VAC14: variants seen among roughly 807,000 people sequenced by gnomAD.
The protein encoded by VAC14 is VAC14 component of PIKFYVE complex.
Under a neutral mutation model 85.3 loss-of-function variants are expected in VAC14, and 47 were observed. That is an observed-to-expected ratio of 0.55 (90% CI 0.44 to 0.70). The LOEUF (loss-of-function observed/expected upper bound fraction) is 0.70, where lower values mean the gene tolerates loss of function less well. VAC14 is among the 30% of genes least tolerant of loss of function. The pLI is 0.00. For synonymous variants in VAC14, 447 were observed against 430.5 expected (o/e 1.04, Z -0.47); for missense variants, 861 against 1,004.3 (o/e 0.86, Z 1.93).
Position 70,698,818 on chromosome 16 carries a change from A to AGCAGGCAGACTGGGGTCAGGGC in VAC14, c.1662-29_1662-8dup. 2 of 1,613,444 alleles carry AGCAGGCAGACTGGGGTCAGGGC rather than the reference A, an allele frequency of 1.2e-6. No homozygotes were observed. The highest frequency in any genetic ancestry group is 1.7e-6 in the Non-Finnish European group (2 of 1,179,900). ...CAGCAGGAGGCACAGCTGCCTGGAG[A>AGCAGGCAGACTGGGGTCAGGGC]GCAGGCAGACTGGGGTCAGGGCGCA... On this transcript the variant is annotated splice_region_variant and splice_polypyrimidine_tract_variant and intron_variant, in intron 14 of 18. Transcript: ENST00000261776.
At chr16:70,779,048 C>A (rs770681628) in intron 9 of VAC14, 4 of 152,164 alleles carry the variant, frequency 2.6e-5, no homozygotes, top group African/African-American at 9.7e-5. Flanking sequence ...CTGCATTGGC[C>A]GGGAATCGAA....
chr16:70,787,912 G>A (rs1393804601), intron 1 of VAC14, among the ~76,000 whole-genome samples: 1 of 152,248 alleles, frequency 6.6e-6, no homozygotes, highest in African/African-American at 2.4e-5. Flanking sequence ...GGAGCCTGGA[G>A]ATGCTTGTGA....
intron 13 of VAC14, among the ~76,000 whole-genome samples, chr16:70,739,446 G>T (rs2030036923): frequency 1.3e-5 from 2 of 152,246 alleles, no homozygotes. Context: ...ACTGTGAAGA[G>T]AGGAGAGATG....
At chr16:70,753,426 A>G (rs973845798) in intron 12 of VAC14, among the ~76,000 whole-genome samples, 5 of 152,172 alleles carry the variant, frequency 3.3e-5, no homozygotes, top group Non-Finnish European at 7.3e-5. Context: ...CCAGAGGAGG[A>G]AAAATCAACA....
chr16:70,785,793 TAGCGC>T lies in VAC14; in HGVS notation c.327_331del (p.Arg110LeufsTer26). 6.3e-7 allele frequency: 1 copy of T among 1,595,610 alleles called. No individual in the cohort carries two copies. The highest frequency in any genetic ancestry group is 1.3e-5 in the African/African-American group (1 of 74,760). Reference sequence around the variant, plus strand: ...GTTGTAGAGGGCCTCGCAGGCATAGTAGCGCAGCCTGCTGTCTGCATCATTGAAGC... The same window carrying T: ...GTTGTAGAGGGCCTCGCAGGCATAGTAGCCTGCTGTCTGCATCATTGAAGC... On this transcript the variant is annotated frameshift_variant, in exon 3 of 19. Transcript: ENST00000261776. LOFTEE classifies it high-confidence loss of function.
intron 14 of VAC14, among the ~76,000 whole-genome samples, chr16:70,728,327 G>A (rs989645245): frequency 1.3e-5 from 2 of 152,192 alleles, no homozygotes; most frequent in African/African-American, 2.4e-5. Context: ...GCCTCTCACG[G>A]CACCAGGCTC....
intron 13 of VAC14, among the ~76,000 whole-genome samples, chr16:70,739,370 C>T (rs973873111): frequency 2.0e-5 from 3 of 152,112 alleles, no homozygotes; most frequent in Admixed American, 6.5e-5. Flanking sequence ...GAAGTGGTGG[C>T]GGGCAGCAAA....
intron 6 of VAC14, 146 bp from the exon 7 acceptor site, chr16:70,783,285 G>T (rs939582602): frequency 8.6e-6 from 9 of 1,048,072 alleles, no homozygotes; most frequent in Non-Finnish European, 1.3e-5. Context: ...CAGATGCTGG[G>T]GGTTGATGGG....
intron 13 of VAC14, among the ~76,000 whole-genome samples, chr16:70,734,681 A>T (rs557655239): frequency 0.015 from 2,339 of 152,230 alleles, 66 homozygotes; most frequent in African/African-American, 0.054. Flanking sequence ...GTATAACATG[A>T]TATCTTAATA....
At chr16:70,765,246 A>G (rs1292436092) in intron 10 of VAC14, among the ~76,000 whole-genome samples, 1 of 152,176 alleles carries the variant, frequency 6.6e-6, no homozygotes, top group Non-Finnish European at 1.5e-5. Context: ...TGGCTGAAAC[A>G]GTACCCCCTG....
In VAC14 at chr16:70,745,522, CGT is replaced by C. The variant is rs1243066055; in HGVS notation, c.1372-945_1372-944del. On this transcript the variant is annotated intron_variant, in intron 12 of 18. Transcript: ENST00000261776. ...GTGTGTGTGTGTGTGTGTGTGTGCG[CGT>C]GTGCGCGCGTGTGCCTGTGTGCATG... Among the ~76,000 whole-genome samples, 7 of 124,294 alleles carry C rather than the reference CGT, an allele frequency of 5.6e-5. No individual in the cohort carries two copies. In the South Asian group the frequency reaches 1.1e-3, roughly 19 times the overall value. 81.5% of individuals were successfully genotyped at this position (124,294 alleles called of 152,430 possible).
intron 14 of VAC14, chr16:70,716,434 C>G (rs2054168301): frequency 6.6e-6 from 1 of 152,328 alleles, no homozygotes; most frequent in Non-Finnish European, 1.5e-5. Flanking sequence ...GTTCCCATCT[C>G]CCTGAAATAC....
intron 4 of VAC14, 56 bp from the exon 5 acceptor site, chr16:70,784,276 T>C: frequency 4.8e-6 from 7 of 1,466,712 alleles, no homozygotes. Context: ...CTGCCTGACC[T>C]CGCTGAATCA....
In VAC14 at chr16:70,785,811, G is replaced by C; in HGVS notation, c.314C>G (p.Ala105Gly). The C allele has an allele frequency of 6.2e-7, 1 of 1,602,782 alleles. No individual in the cohort carries two copies. The highest frequency in any genetic ancestry group is 8.5e-7 in the Non-Finnish European group (1 of 1,173,804). ...IEPVLTCFNDADSRLRYYACE... is the reference protein window; with the variant it reads ...IEPVLTCFNDGDSRLRYYACE... ...GGCATAGTAGCGCAGCCTGCTGTCT[G>C]CATCATTGAAGCAGGTCAGCACTGG... The change falls in exon 3 of 19, where the codon GCA becomes GGA. Residue 105 changes from alanine (A) to glycine (G), a missense_variant. By Grantham distance (60) the Ala-to-Gly change is moderately conservative. This residue lies in a region of VAC14 where 629 missense variants were observed against 703.1 expected (regional missense o/e 0.89). Transcript: ENST00000261776.
At position 70,778,346 on chromosome 16, in the gene VAC14, C is replaced by T. The variant is rs187662339; in HGVS notation, c.1096+2444G>A. 2.2e-3 allele frequency: 332 copies of T among 152,098 alleles called. 1 individual carries two copies. Among genetic ancestry groups the T allele is most frequent in the African/African-American group, 7.2e-3 (299 of 41,468 alleles). The allele number at this position is 152,098 out of a possible 1,614,324, so 9.4% of individuals were successfully genotyped here. A position where few individuals can be genotyped will look rare whatever the true frequency, so the allele number is the denominator to read the frequency against. On this transcript the variant is annotated intron_variant, in intron 9 of 18. Coordinates refer to ENST00000261776, the MANE Select transcript of VAC14 (RefSeq NM_018052.5). ...ACAGGATGGAGTGGTTCCTTTCTAG[C>T]GGGCTTGACTTCTTGCCACATAAGC... is the stretch of plus-strand genomic sequence containing the variant.
At chr16:70,778,924 T>C (rs974059716) in intron 9 of VAC14, 2 of 152,214 alleles carry the variant, frequency 1.3e-5, no homozygotes, top group East Asian at 3.8e-4. Flanking sequence ...GTCTTCTAGT[T>C]TCTCCCAGTA....
rs916156735 is a variant in VAC14, at chr16:70,690,789, T to C, written c.2186+2032A>G. ...CCTGCAATCTGACCCCTCCCCCAGC[T>C]GTTCTGAAGTCCCCTGGCATGCCCA... On this transcript the variant is annotated intron_variant, in intron 18 of 18. Coordinates refer to ENST00000261776, the MANE Select transcript of VAC14 (RefSeq NM_018052.5). The C allele has an allele frequency of 1.6e-5, 16 of 985,552 alleles. No homozygotes were observed. The African/African-American group carries it at 2.6e-4, about 16-fold the overall frequency. 61.1% of individuals were successfully genotyped at this position (985,552 alleles called of 1,614,324 possible).
intron 14 of VAC14, among the ~76,000 whole-genome samples, chr16:70,718,057 C>T (rs1456849700): frequency 1.3e-5 from 2 of 152,218 alleles, no homozygotes; most frequent in Admixed American, 6.5e-5. Context: ...GAGCTGAGCC[C>T]GAGGGAGCAG....
At chr16:70,702,037 C>T (rs1293135673) in intron 14 of VAC14, among the ~76,000 whole-genome samples, 1 of 152,208 alleles carries the variant, frequency 6.6e-6, no homozygotes, top group Admixed American at 6.5e-5. Flanking sequence ...AGAGAAAGTT[C>T]TAGTTCTTTC....
Sources: allele counts gnomAD v4.1 joint callset (sites outside exome capture counted in the v4.1 genomes callset), GRCh38; gene constraint gnomAD v4.1.1; regional missense constraint gnomAD v4.1.1; transcripts MANE v1.5; gene names NCBI Gene and HGNC (gene_info 2026-07-23, HGNC 2026-07-21).